CHLSN: variants seen among roughly 807,000 people sequenced by gnomAD.
The protein encoded by CHLSN is cholesin, also known as protein cholesin.
At chr7:1,136,623 AAAAT>A in the CHLSN span, among the ~76,000 whole-genome samples, 292 of 145,514 alleles carry the variant, frequency 2.0e-3, 1 homozygote, top group African/African-American at 6.8e-3. Context: ...TAAATATATA[AAAAT>A]AAATATATAT....
the CHLSN span, among the ~76,000 whole-genome samples, chr7:1,016,470 TAGC>T: frequency 3.6e-4 from 10 of 28,146 alleles, no homozygotes; most frequent in East Asian, 2.6e-3. Context: ...CGCCAGCACA[TAGC>T]AGCACAGCAG....
the CHLSN span, among the ~76,000 whole-genome samples, chr7:1,063,749 G>C: frequency 2.0e-5 from 3 of 152,374 alleles, no homozygotes; most frequent in Admixed American, 2.0e-4. Flanking sequence ...CCTCTCCAAA[G>C]AAGCGCCTCT....
chr7:1,022,226 C>T, the CHLSN span, among the ~76,000 whole-genome samples: 1 of 152,214 alleles, frequency 6.6e-6, no homozygotes, highest in African/African-American at 2.4e-5. Flanking sequence ...CAGACGCAGG[C>T]CTGCGGGGAG....
chr7:1,036,971 C>T, the CHLSN span, among the ~76,000 whole-genome samples: 1 of 147,226 alleles, frequency 6.8e-6, no homozygotes, highest in Non-Finnish European at 1.5e-5. Context: ...ATTAGCCAGG[C>T]GTGGTGGCAT....
the CHLSN span, among the ~76,000 whole-genome samples, chr7:1,084,719 T>C: frequency 6.6e-5 from 10 of 152,102 alleles, no homozygotes; most frequent in Admixed American, 3.3e-4. Context: ...ACTGTACAGA[T>C]GGGCACTGAG....
chr7:988,872 G>C, the CHLSN span: 4 of 1,219,418 alleles, frequency 3.3e-6, no homozygotes, highest in Non-Finnish European at 4.5e-6. Context: ...CCCAGCCCTG[G>C]GTCCTCCCAC....
At chr7:1,136,401 T>TATATATAA in the CHLSN span, among the ~76,000 whole-genome samples, 2 of 114,316 alleles carry the variant, frequency 1.7e-5, no homozygotes, top group South Asian at 2.5e-4. Context: ...TATATATAAA[T>TATATATAA]ATATATAAAC....
the CHLSN span, among the ~76,000 whole-genome samples, chr7:1,122,055 C>T: frequency 1.3e-5 from 2 of 152,258 alleles, no homozygotes; most frequent in Admixed American, 1.3e-4. Flanking sequence ...CGGCTCGCAG[C>T]CAGCCACAGG....
chr7:1,055,052 G>A, the CHLSN span, among the ~76,000 whole-genome samples: 2 of 152,206 alleles, frequency 1.3e-5, no homozygotes, highest in African/African-American at 4.8e-5. Context: ...CCAGGCTCTC[G>A]GTGGGATGCC....
the CHLSN span, among the ~76,000 whole-genome samples, chr7:1,089,127 T>C: frequency 4.6e-5 from 7 of 152,174 alleles, no homozygotes; most frequent in South Asian, 1.5e-3. Flanking sequence ...GCAAAACAAG[T>C]CCTCTGTGCC....
At chr7:1,121,933 C>CA in the CHLSN span, among the ~76,000 whole-genome samples, 1 of 152,158 alleles carries the variant, frequency 6.6e-6, no homozygotes, top group African/African-American at 2.4e-5. Flanking sequence ...TGCACCCACC[C>CA]ACTGCACTCA....
the CHLSN span, among the ~76,000 whole-genome samples, chr7:980,540 TA>T: frequency 0.063 from 9,636 of 152,256 alleles, 381 homozygotes; most frequent in South Asian, 0.12. Flanking sequence ...TGCACACAGA[TA>T]TTTTTATCAG....
the CHLSN span, among the ~76,000 whole-genome samples, chr7:1,096,655 C>T: frequency 6.6e-6 from 1 of 152,236 alleles, no homozygotes; most frequent in South Asian, 2.1e-4. The surrounding 1 kb of genome is among the most constrained non-coding windows in gnomAD (Gnocchi z 4.6). Flanking sequence ...GCTTTTTAAA[C>T]CCAGAAAGAG....
the CHLSN span, among the ~76,000 whole-genome samples, chr7:1,088,890 G>C: frequency 2.0e-5 from 3 of 151,908 alleles, no homozygotes; most frequent in Non-Finnish European, 4.4e-5. This position sits in a 1 kb window ranked among gnomAD's most constrained non-coding sequence, Gnocchi z 4.5. Context: ...TCAGACACTA[G>C]GACACATCAG....
the CHLSN span, among the ~76,000 whole-genome samples, chr7:1,016,700 A>AGG: frequency 1.2e-5 from 1 of 83,810 alleles, no homozygotes; most frequent in Admixed American, 1.2e-4. Flanking sequence ...AGCGCATGCC[A>AGG]GCACACGCCA....
At chr7:1,116,868 C>T in the CHLSN span, among the ~76,000 whole-genome samples, 5 of 44,016 alleles carry the variant, frequency 1.1e-4, no homozygotes, top group South Asian at 2.7e-3. Flanking sequence ...TGCAGCTCTA[C>T]GGACCGGCTT....
the CHLSN span, among the ~76,000 whole-genome samples, chr7:1,090,346 C>T: frequency 6.6e-6 from 1 of 152,256 alleles, no homozygotes; most frequent in African/African-American, 2.4e-5. Context: ...TGGCCCGCTG[C>T]ATAGAGAACT....
the CHLSN span, among the ~76,000 whole-genome samples, chr7:1,094,906 C>T: frequency 6.6e-6 from 1 of 152,178 alleles, no homozygotes; most frequent in Non-Finnish European, 1.5e-5. Flanking sequence ...GCCTCTGTGC[C>T]CACTTCTATC....
chr7:1,068,723 T>G, the CHLSN span, among the ~76,000 whole-genome samples: 1 of 152,140 alleles, frequency 6.6e-6, no homozygotes, highest in Non-Finnish European at 1.5e-5. Flanking sequence ...GTCTGCAACA[T>G]AGCTTGTTTT....
Sources: allele counts gnomAD v4.1 joint callset (sites outside exome capture counted in the v4.1 genomes callset), GRCh38; gene constraint gnomAD v4.1.1; non-coding constraint Gnocchi (gnomAD v3.1); transcripts MANE v1.5; gene names NCBI Gene and HGNC (gene_info 2026-07-23, HGNC 2026-07-21).